Variants in TMEM19 observed in about 807,000 individuals in gnomAD.
The protein encoded by TMEM19 is transmembrane protein 19.
TMEM19 carries 21 observed loss-of-function variants against 33.6 expected under a neutral mutation model. That is an observed-to-expected ratio of 0.62 (90% CI 0.44 to 0.90). The LOEUF (loss-of-function observed/expected upper bound fraction) is 0.90, where lower values mean the gene tolerates loss of function less well. Ranked by LOEUF, TMEM19 falls within the 40% of genes least tolerant of loss-of-function variation. TMEM19 has a pLI of 0.00. For synonymous variants in TMEM19, 149 were observed against 147.5 expected, an observed-to-expected ratio of 1.01 and a Z score of -0.07; for missense variants, 402 against 401.8, an observed-to-expected ratio of 1.00 and a Z score of 0.00.
intron 2 of TMEM19, among the ~76,000 whole-genome samples, chr12:71,696,157 C>T (rs1232423490): frequency 6.6e-6 from 1 of 151,980 alleles, no homozygotes. Flanking sequence ...ATCTCTATTT[C>T]TAATTTTTTT....
rs1012980617 is a variant in TMEM19 at position 71,697,401 on chromosome 12, C to T, written c.504C>T (p.Ser168=). The T allele has an allele frequency of 5.0e-6, 8 of 1,611,036 alleles. No individual in the cohort carries two copies. The highest frequency in any genetic ancestry group is 1.7e-5 in the Admixed American group (1 of 59,470). ...EIPVDFSKQY[S]ASWMCLSLLA... Reference sequence around the variant, plus strand: ...CAGTCGATTTTTCCAAGCAGTACTCCGCTTCCTGGATGTGTTTGTCTCTCT... The same window carrying T: ...CAGTCGATTTTTCCAAGCAGTACTCTGCTTCCTGGATGTGTTTGTCTCTCT... Residue 168 remains serine (S), a synonymous_variant, in exon 4 of 6, where the codon TCC becomes TCT. Transcript: ENST00000266673.
At position 71,701,669 on chromosome 12, in the gene TMEM19, TTTATC is replaced by T. The variant is rs1297863548; in HGVS notation, c.*679_*683del. 1 of 152,186 alleles carries T rather than the reference TTTATC, an allele frequency of 6.6e-6. No individual in the cohort carries two copies. The highest frequency in any genetic ancestry group is 2.4e-5 in the African/African-American group (1 of 41,446). 9.4% of individuals were successfully genotyped at this position (152,186 alleles called of 1,614,324 possible). On this transcript the variant is annotated 3_prime_UTR_variant, in exon 6 of 6. Coordinates refer to ENST00000266673, the MANE Select transcript of TMEM19 (RefSeq NM_018279.4). The stretch of plus-strand genomic sequence containing the variant: ...TCATTTTAACTAAAAGCAAAAGAAT[TTTATC>T]TTATATCTAAAAAATATATAACTTA...
chr12:71,700,959 C>T lies in TMEM19; in HGVS notation c.975C>T (p.Leu325=), dbSNP rs190142321. 2.6e-4 allele frequency: 413 copies of T among 1,612,630 alleles called. 3 individuals are homozygous for T. In the East Asian group the frequency reaches 8.4e-3, roughly 33 times the overall value. The change falls in exon 6 of 6, where the codon CTC becomes CTT. Residue 325 remains leucine (L), a synonymous_variant. Transcript: ENST00000266673. ...CTTCTGTTCTTATTGCCCTCTTGCT[C>T]CCAACTGCTGCTTGGGGTTTTTGGC... ...LFSSVLIALL[L]PTAAWGFWPR... is the part of the protein sequence containing the mutation.
chr12:71,697,511 C>A lies in TMEM19; in HGVS notation c.614C>A (p.Thr205Lys). Reference protein sequence around the residue: ...VLSKSSPRLITTWEKVPVGTN... With the variant: ...VLSKSSPRLIKTWEKVPVGTN... ...AGTAAAAGTTCTCCAAGACTGATAA[C>A]AACCTGGGAGAAAGTTCCAGTTGGT... Residue 205 changes from threonine to lysine, a missense_variant, in exon 4 of 6, where the codon ACA becomes AAA. Coordinates refer to ENST00000266673, the MANE Select transcript of TMEM19 (RefSeq NM_018279.4). 6.3e-7 allele frequency: 1 copy of A among 1,578,274 alleles called. No homozygotes were observed. The highest frequency in any genetic ancestry group is 8.6e-7 in the Non-Finnish European group (1 of 1,168,144).
At chr12:71,692,943 C>T (rs977363096) in intron 2 of TMEM19, among the ~76,000 whole-genome samples, 4 of 151,686 alleles carry the variant, frequency 2.6e-5, no homozygotes, top group Admixed American at 2.6e-4. Context: ...ACCTGTAATC[C>T]CAAAACTTAG....
intron 2 of TMEM19, 103 bp downstream of exon 2, chr12:71,689,807 C>A: frequency 1.3e-6 from 1 of 775,700 alleles, no homozygotes; most frequent in Non-Finnish European, 2.1e-6. Context: ...GACTACAAAT[C>A]ACAGTTATAT....
chr12:71,686,944 AT>A (rs1487616277), intron 1 of TMEM19, 134 bp downstream of exon 1: 1 of 802,392 alleles, frequency 1.2e-6, no homozygotes, highest in African/African-American at 1.8e-5. Context: ...CCATAGCCTG[AT>A]TTAACTTACT....
At chr12:71,696,172 T>A (rs1384946582) in intron 2 of TMEM19, among the ~76,000 whole-genome samples, 1 of 152,104 alleles carries the variant, frequency 6.6e-6, no homozygotes, top group East Asian at 1.9e-4. Context: ...TTTTTTAAAT[T>A]AAGATAATTT....
intron 3 of TMEM19, 129 bp from the exon 4 acceptor site, chr12:71,697,151 C>G (rs2137597686): frequency 7.6e-7 from 1 of 1,311,676 alleles, no homozygotes. Flanking sequence ...TACCATAACA[C>G]TTTTACTGTT....
At chr12:71,689,549 C>T (rs1361739740) in intron 1 of TMEM19, 42 bp from the exon 2 acceptor site, 1 of 1,527,080 alleles carries the variant, frequency 6.5e-7, no homozygotes, top group Non-Finnish European at 9.1e-7. Flanking sequence ...CTAACCTGTG[C>T]AAACTTCACA....
chr12:71,696,602 T>C (rs780013368), intron 3 of TMEM19, 29 bp downstream of exon 3: 5 of 1,531,510 alleles, frequency 3.3e-6, no homozygotes, highest in Non-Finnish European at 3.5e-6. Flanking sequence ...TCATTCAAAA[T>C]AGTAAACTTC....
chr12:71,697,165 A>T lies in TMEM19; in HGVS notation c.383-115A>T, dbSNP rs944996426. On this transcript the variant is annotated intron_variant, in intron 3 of 5. Coordinates refer to ENST00000266673, the MANE Select transcript of TMEM19 (RefSeq NM_018279.4). ...GTACCATAACACTTTTACTGTTTTT[A>T]AATTTTTTTGTTGTTTTTCTTTTCT... 5.0e-6 allele frequency: 7 copies of T among 1,414,106 alleles called. No individual in the cohort carries two copies. In the African/African-American group the frequency reaches 1.1e-4, roughly 22 times the overall value. The allele number at this position is 1,414,106 out of a possible 1,614,324, so 87.6% of individuals were successfully genotyped here.
At chr12:71,695,955 G>T (rs1478414294) in intron 2 of TMEM19, among the ~76,000 whole-genome samples, 1 of 152,094 alleles carries the variant, frequency 6.6e-6, no homozygotes, top group African/African-American at 2.4e-5. Flanking sequence ...TCTCTGGAAG[G>T]GTCAATGAGT....
Position 71,702,604 on chromosome 12 carries a change from G to C in TMEM19, c.*1609G>C, listed in dbSNP as rs559938851. ...GATCTATTACAAGATGTGAGCCACTGTGCCCAGCCACCAGGGCATGTTTTT... is the reference window on the plus strand; with the variant it reads ...GATCTATTACAAGATGTGAGCCACTCTGCCCAGCCACCAGGGCATGTTTTT... On this transcript the variant is annotated 3_prime_UTR_variant, in exon 6 of 6. Transcript: ENST00000266673. 1.3e-5 allele frequency: 2 copies of C among 151,948 alleles called. No homozygotes were observed. The highest frequency in any genetic ancestry group is 2.9e-5 in the Non-Finnish European group (2 of 67,990). 9.4% of individuals were successfully genotyped at this position (151,948 alleles called of 1,614,324 possible).
chr12:71,701,216 C>A lies in TMEM19; in HGVS notation c.*221C>A. 2.5e-6 allele frequency: 1 copy of A among 403,100 alleles called. No individual in the cohort carries two copies. 25.0% of individuals were successfully genotyped at this position (403,100 alleles called of 1,614,324 possible). A position where few individuals can be genotyped will look rare whatever the true frequency, so the allele number is the denominator to read the frequency against. On this transcript the variant is annotated 3_prime_UTR_variant, in exon 6 of 6. Coordinates refer to ENST00000266673, the MANE Select transcript of TMEM19 (RefSeq NM_018279.4). ...ATTCCTAGAACTTATGCATTTTTTTCCTGCTGAATGGAAGTCTTGAGCAAT... is the reference window on the plus strand; with the variant it reads ...ATTCCTAGAACTTATGCATTTTTTTACTGCTGAATGGAAGTCTTGAGCAAT...
chr12:71,700,039 AG>A (rs1368299516), intron 5 of TMEM19, among the ~76,000 whole-genome samples: 1 of 152,140 alleles, frequency 6.6e-6, no homozygotes, highest in Admixed American at 6.6e-5. Context: ...AGGCTAGAGA[AG>A]GGTTCTCTCA....
At position 71,686,816 on chromosome 12, in the gene TMEM19, T is replaced by A. The variant is rs1180226154; in HGVS notation, c.130+6T>A. 6.3e-7 allele frequency: 1 copy of A among 1,598,440 alleles called. No individual in the cohort carries two copies. Among genetic ancestry groups the A allele is most frequent in the South Asian group, 1.1e-5 (1 of 89,008 alleles). On this transcript the variant is annotated splice_donor_region_variant and intron_variant, in intron 1 of 5. Coordinates refer to ENST00000266673, the MANE Select transcript of TMEM19 (RefSeq NM_018279.4). ...GACTGCAAGCACCTATTATGGTAAG[T>A]CTGAGTGTTCTAAGTTGTTTCTCTG...
chr12:71,699,010 A>G lies in TMEM19; in HGVS notation c.748A>G (p.Ile250Val). 1 of 1,614,012 alleles carries G rather than the reference A, an allele frequency of 6.2e-7. No individual in the cohort carries two copies. The highest frequency in any genetic ancestry group is 1.1e-5 in the South Asian group (1 of 91,070). The change falls in exon 5 of 6, where the codon ATT becomes GTT. Residue 250 changes from isoleucine to valine, a missense_variant. Ile to Val is a conservative substitution (Grantham distance 29). Coordinates refer to ENST00000266673, the MANE Select transcript of TMEM19 (RefSeq NM_018279.4). Reference sequence around the variant, plus strand: ...GCTGATTTTTGTGAATGATTTAGACATTTCTGCCCCGCAGTGGCCAATTAT... The same window carrying G: ...GCTGATTTTTGTGAATGATTTAGACGTTTCTGCCCCGCAGTGGCCAATTAT... ...TQLIFVNDLD[I>V]SAPQWPIIAF...
intron 1 of TMEM19, among the ~76,000 whole-genome samples, chr12:71,688,153 A>T (rs1210498387): frequency 6.6e-6 from 1 of 152,260 alleles, no homozygotes; most frequent in African/African-American, 2.4e-5. Context: ...GTTTTTGTGT[A>T]TTAGACCTGT....
Sources: allele counts gnomAD v4.1 joint callset (sites outside exome capture counted in the v4.1 genomes callset), GRCh38; gene constraint gnomAD v4.1.1; transcripts MANE v1.5; gene names NCBI Gene and HGNC (gene_info 2026-07-23, HGNC 2026-07-21).